WDR11: variants seen among roughly 807,000 people sequenced by gnomAD.
WDR11 encodes the protein WD repeat domain 11.
Under a neutral mutation model 151.2 loss-of-function variants are expected in WDR11, and 83 were observed. The observed-to-expected ratio is 0.55, with a 90% CI of 0.46 to 0.66. WDR11 has a LOEUF of 0.66. Ranked by LOEUF, WDR11 falls within the 30% of genes least tolerant of loss-of-function variation. The pLI, the probability that WDR11 is intolerant of heterozygous loss-of-function variation, is 0.00. For synonymous variants in WDR11, 484 were observed against 533.1 expected (o/e 0.91, Z 1.27); for missense variants, 1,301 against 1,480.9 (o/e 0.88, Z 1.99).
chr10:120,870,712 T>C (rs150410274), intron 9 of WDR11, among the ~76,000 whole-genome samples: 2 of 152,310 alleles, frequency 1.3e-5, no homozygotes, highest in East Asian at 3.9e-4. Flanking sequence ...TTTAAATCTG[T>C]TTTTCATGAA....
At chr10:120,884,347 AT>A (rs1847138007) in intron 14 of WDR11, among the ~76,000 whole-genome samples, 1 of 152,162 alleles carries the variant, frequency 6.6e-6, no homozygotes, top group South Asian at 2.1e-4. Flanking sequence ...ACCCATGAAT[AT>A]TTGGGGACTT....
chr10:120,871,958 C>A (rs1442986535), intron 10 of WDR11, among the ~76,000 whole-genome samples: 3 of 152,040 alleles, frequency 2.0e-5, no homozygotes, highest in Admixed American at 6.5e-5. Flanking sequence ...GAGAAAAAAA[C>A]AAAATTTAGT....
intron 14 of WDR11, 146 bp downstream of exon 14, chr10:120,884,034 T>C (rs2133781239): frequency 1.5e-6 from 1 of 677,342 alleles, no homozygotes; most frequent in South Asian, 1.8e-5. Context: ...TCTAAATAAA[T>C]GGAGATAATT....
At position 120,866,750 on chromosome 10, in the gene WDR11, A is replaced by G. The variant is rs371736595; in HGVS notation, c.1176A>G (p.Arg392=). 7 of 1,614,090 alleles carry G rather than the reference A, an allele frequency of 4.3e-6. No individual in the cohort carries two copies. The African/African-American group carries it at 8.0e-5, about 18-fold the overall frequency. The change falls in exon 8 of 29, where the codon CGA becomes CGG. Residue 392 remains arginine (R), a synonymous_variant. Coordinates refer to ENST00000263461, the MANE Select transcript of WDR11 (RefSeq NM_018117.12). ...AACTCAAGTCTGCAGTTTGTAATCGAAATTCACGGAACAGGTAAATGAATC... is the reference window on the plus strand; with the variant it reads ...AACTCAAGTCTGCAGTTTGTAATCGGAATTCACGGAACAGGTAAATGAATC... ...IWELKSAVCN[R]NSRNSSSGVS...
chr10:120,886,632 G>A, intron 15 of WDR11, 57 bp from the exon 16 acceptor site: 2 of 1,585,286 alleles, frequency 1.3e-6, no homozygotes, highest in South Asian at 2.3e-5. Flanking sequence ...AATTAATTAT[G>A]AGTATCACTC....
Position 120,905,348 on chromosome 10 carries a change from A to G in WDR11, c.3223A>G (p.Lys1075Glu), listed in dbSNP as rs1590123468. 2 of 1,614,156 alleles carry G rather than the reference A, an allele frequency of 1.2e-6. No homozygotes were observed. Residue 1075 changes from lysine (K) to glutamate (E), a missense_variant, in exon 26 of 29, where the codon AAG becomes GAG. Lys to Glu is a moderately conservative substitution (Grantham distance 56). This residue lies in a region of WDR11 where 589 missense variants were observed against 670.6 expected (regional missense o/e 0.88). Coordinates refer to ENST00000263461, the MANE Select transcript of WDR11 (RefSeq NM_018117.12). ...EGVQLLCLID[K>E]AADACRYLQT... ...CGTTCAGTTGCTCTGCCTGATAGAT[A>G]AGGCTGCAGACGCCTGCCGCTACCT...
chr10:120,868,350 G>A (rs1041820938), intron 9 of WDR11, among the ~76,000 whole-genome samples: 2 of 151,906 alleles, frequency 1.3e-5, no homozygotes, highest in Non-Finnish European at 2.9e-5. Flanking sequence ...GCTACTTAGG[G>A]GGCTGAGGCA....
chr10:120,878,380 TTTTC>T lies in WDR11; in HGVS notation c.1592_1595del (p.Ser531LeufsTer11). 2 of 1,613,084 alleles carry T rather than the reference TTTTC, an allele frequency of 1.2e-6. No individual in the cohort carries two copies. Among genetic ancestry groups the T allele is most frequent in the Non-Finnish European group, 8.5e-7 (1 of 1,179,404 alleles). On this transcript the variant is annotated frameshift_variant, in exon 12 of 29. Coordinates refer to ENST00000263461, the MANE Select transcript of WDR11 (RefSeq NM_018117.12). LOFTEE classifies it high-confidence loss of function. The stretch of plus-strand genomic sequence containing the variant: ...GTATTGAATGGACAAGTTTGACTAG[TTTTC>T]TTTCTTTTGCTACCTCAACACCAAA...
chr10:120,890,072 T>TA (rs1035788486), intron 18 of WDR11, 63 bp downstream of exon 18: 11 of 1,161,442 alleles, frequency 9.5e-6, no homozygotes, highest in Admixed American at 1.9e-5. Context: ...TGTGCTTTGT[T>TA]AAAAAACTTC....
At chr10:120,902,199 A>G (rs1019755206) in intron 21 of WDR11, 58 bp from the exon 22 acceptor site, 2 of 1,407,852 alleles carry the variant, frequency 1.4e-6, no homozygotes, top group South Asian at 1.2e-5. Context: ...ATCAACCCCC[A>G]TGCTTTATTG....
chr10:120,907,097 A>G (rs988991357), intron 28 of WDR11, among the ~76,000 whole-genome samples: 1 of 152,182 alleles, frequency 6.6e-6, no homozygotes, highest in Non-Finnish European at 1.5e-5. Context: ...AGGAAGGACT[A>G]TAGAGGACAG....
Position 120,885,877 on chromosome 10 carries a change from A to G in WDR11, c.1912A>G (p.Met638Val), listed in dbSNP as rs1847198742. 7 of 1,613,800 alleles carry G rather than the reference A, an allele frequency of 4.3e-6. No individual in the cohort carries two copies. The highest frequency in any genetic ancestry group is 2.2e-5 in the South Asian group (2 of 91,084). Residue 638 changes from methionine (M) to valine (V), a missense_variant, in exon 15 of 29, where the codon ATG becomes GTG. Physicochemically the swap from Met to Val is conservative, Grantham distance 21. This residue lies in a region of WDR11 where 20 missense variants were observed against 47.8 expected (regional missense o/e 0.42). Coordinates refer to ENST00000263461, the MANE Select transcript of WDR11 (RefSeq NM_018117.12). ...RKKQLATREA[M>V]ARQTVVSDTE... Reference sequence around the variant, plus strand: ...GAAGCAACTTGCAACTCGAGAGGCCATGGCCCGCCAGACCGTAGTCTCAGA... The same window carrying G: ...GAAGCAACTTGCAACTCGAGAGGCCGTGGCCCGCCAGACCGTAGTCTCAGA...
Position 120,862,750 on chromosome 10 carries a change from G to T in WDR11, c.542G>T (p.Gly181Val), listed in dbSNP as rs1429640312. The T allele has an allele frequency of 6.2e-7, 1 of 1,614,058 alleles. No individual in the cohort carries two copies. The highest frequency in any genetic ancestry group is 1.1e-5 in the South Asian group (1 of 91,074). The change falls in exon 5 of 29, where the codon GGT (glycine) becomes GTT (valine). Residue 181 changes from glycine to valine, a missense_variant. Gly to Val is a moderately radical substitution (Grantham distance 109). Coordinates refer to ENST00000263461, the MANE Select transcript of WDR11 (RefSeq NM_018117.12). ...CTCAATATAGTGCTTACCAGCGAGG[G>T]TATTGTTTTCATCTCAGACTTCTCC... ...PSHLTLLTSE[G>V]IVFISDFSPS... is the part of the protein sequence containing the mutation.
intron 19 of WDR11, among the ~76,000 whole-genome samples, chr10:120,898,617 C>T (rs1277069476): frequency 6.6e-6 from 1 of 152,146 alleles, no homozygotes; most frequent in African/African-American, 2.4e-5. Context: ...GTGATTGGAT[C>T]ATGGGGGCAG....
chr10:120,866,742 T>C lies in WDR11; in HGVS notation c.1168T>C (p.Cys390Arg). ...VMIWELKSAVCNRNSRNSSSG... is the reference protein window; with the variant it reads ...VMIWELKSAVRNRNSRNSSSG... ...GATATGGGAACTCAAGTCTGCAGTTTGTAATCGAAATTCACGGAACAGGTA... is the reference window on the plus strand; with the variant it reads ...GATATGGGAACTCAAGTCTGCAGTTCGTAATCGAAATTCACGGAACAGGTA... The change falls in exon 8 of 29, where the codon TGT becomes CGT. Residue 390 changes from cysteine to arginine, a missense_variant. Around this residue, in one of 3 missense-constraint regions of WDR11, gnomAD observed 692 missense variants for 762.5 expected, o/e 0.91. Coordinates refer to ENST00000263461, the MANE Select transcript of WDR11 (RefSeq NM_018117.12). 2 of 1,614,178 alleles carry C rather than the reference T, an allele frequency of 1.2e-6. No homozygotes were observed. The highest frequency in any genetic ancestry group is 1.7e-6 in the Non-Finnish European group (2 of 1,180,016).
intron 11 of WDR11, among the ~76,000 whole-genome samples, chr10:120,876,531 C>A (rs1211821996): frequency 6.6e-6 from 1 of 152,150 alleles, no homozygotes; most frequent in African/African-American, 2.4e-5. Flanking sequence ...TTATTCATCT[C>A]TTCTCTTCTG....
chr10:120,887,863 T>C (rs1014038011), intron 16 of WDR11, among the ~76,000 whole-genome samples: 3 of 152,218 alleles, frequency 2.0e-5, no homozygotes, highest in Non-Finnish European at 4.4e-5. Context: ...TTAAACATTC[T>C]ATTTTATGGC....
intron 4 of WDR11, 25 bp from the exon 5 acceptor site, chr10:120,862,710 C>T (rs373827304): frequency 6.8e-5 from 109 of 1,611,008 alleles, no homozygotes; most frequent in Non-Finnish European, 9.1e-5. Flanking sequence ...AAACTTTAAT[C>T]AGAGTTTTGC....
chr10:120,891,466 A>T (rs921051219), intron 19 of WDR11, among the ~76,000 whole-genome samples: 1 of 149,440 alleles, frequency 6.7e-6, no homozygotes, highest in Non-Finnish European at 1.5e-5. Context: ...ATGACTTCTA[A>T]AAAAAAAAAG....
Sources: gnomAD v4.1 joint callset for allele counts (sites outside exome capture counted in the v4.1 genomes callset) on GRCh38, gnomAD v4.1.1 for gene constraint, gnomAD v4.1.1 regional missense constraint, MANE v1.5 for transcripts, NCBI Gene and HGNC (gene_info 2026-07-23, HGNC 2026-07-21) for gene names.